Variants in TRIM24 observed in about 807,000 individuals in gnomAD.
TRIM24 encodes the protein transcription intermediary factor 1-alpha.
Under a neutral mutation model 123.9 loss-of-function variants are expected in TRIM24, and 29 were observed. The ratio of observed to expected loss-of-function variants is 0.23; its 90% CI spans 0.17 to 0.32. The LOEUF (loss-of-function observed/expected upper bound fraction) is 0.32, where lower values mean the gene tolerates loss of function less well. TRIM24 is among the 10% of genes least tolerant of loss of function. The pLI, the probability that TRIM24 is intolerant of heterozygous loss-of-function variation, is 1.00. For synonymous variants in TRIM24, 456 were observed against 461.1 expected (o/e 0.99, Z 0.14); for missense variants, 932 against 1,295.3 (o/e 0.72, Z 4.31).
intron 1 of TRIM24, among the ~76,000 whole-genome samples, chr7:138,476,197 T>C (rs886134515): frequency 1.3e-5 from 2 of 152,186 alleles, no homozygotes; most frequent in Non-Finnish European, 2.9e-5. Context: ...AACTGAAAGG[T>C]AGATCTTAGG....
At chr7:138,575,226 G>A (rs924970044) in intron 12 of TRIM24, among the ~76,000 whole-genome samples, 1 of 152,144 alleles carries the variant, frequency 6.6e-6, no homozygotes, top group Non-Finnish European at 1.5e-5. Context: ...CTACTTAAAT[G>A]TTATATATTT....
chr7:138,580,065 T>C (rs1269797380), intron 15 of TRIM24, among the ~76,000 whole-genome samples: 1 of 152,222 alleles, frequency 6.6e-6, no homozygotes, highest in Non-Finnish European at 1.5e-5. Context: ...CTTTTACAAG[T>C]ATTTCAAGTA....
rs1797960593 is a variant in TRIM24 at position 138,583,996 on chromosome 7, T to C, written c.2940T>C (p.Asn980=). Residue 980 remains asparagine, a synonymous_variant, in exon 18 of 19, where the codon AAT becomes AAC. Coordinates refer to ENST00000343526, the MANE Select transcript of TRIM24 (RefSeq NM_015905.3). ...RLIFQNCAEF[N]EPDSEVANAG... ...TCTTTCAAAACTGTGCTGAATTCAA[T>C]GAGGTGAGGCTAGGGGAGGGAAGGG... The C allele has an allele frequency of 3.7e-6, 6 of 1,606,772 alleles. No homozygotes were observed. Among genetic ancestry groups the C allele is most frequent in the Non-Finnish European group, 5.1e-6 (6 of 1,177,892 alleles).
chr7:138,532,484 AT>A (rs1796769142), intron 6 of TRIM24, among the ~76,000 whole-genome samples: 1 of 152,130 alleles, frequency 6.6e-6, no homozygotes, highest in Non-Finnish European at 1.5e-5. Flanking sequence ...TCCTTTCCCC[AT>A]TGCTTGTTTT....
intron 1 of TRIM24, among the ~76,000 whole-genome samples, chr7:138,491,562 CATTTT>C (rs66491878): frequency 0.097 from 14,767 of 152,188 alleles, 801 homozygotes; most frequent in South Asian, 0.15. Context: ...GGGTATAGCA[CATTTT>C]ATTTACACAT....
chr7:138,502,993 A>T (rs1364308256), intron 1 of TRIM24, among the ~76,000 whole-genome samples: 1 of 151,914 alleles, frequency 6.6e-6, no homozygotes, highest in Non-Finnish European at 1.5e-5. Context: ...TATAGTTGTT[A>T]ATCTACTTAA....
At chr7:138,536,815 G>A (rs1372072122) in intron 6 of TRIM24, among the ~76,000 whole-genome samples, 1 of 152,246 alleles carries the variant, frequency 6.6e-6, no homozygotes. Context: ...CCCCAGAGGT[G>A]GCGTCTGCAG....
intron 10 of TRIM24, among the ~76,000 whole-genome samples, chr7:138,568,943 G>A (rs182314519): frequency 3.8e-4 from 58 of 151,878 alleles, no homozygotes; most frequent in African/African-American, 1.2e-3. Context: ...ACATATCTTC[G>A]TATAATCAAT....
intron 9 of TRIM24, among the ~76,000 whole-genome samples, chr7:138,558,957 A>G (rs1584738283): frequency 6.6e-6 from 1 of 152,326 alleles, no homozygotes; most frequent in African/African-American, 2.4e-5. Context: ...AACAAGTACC[A>G]TAGTGCCCTG....
At chr7:138,481,428 C>T (rs1378692420) in intron 1 of TRIM24, among the ~76,000 whole-genome samples, 2 of 151,968 alleles carry the variant, frequency 1.3e-5, no homozygotes, top group East Asian at 3.9e-4. Context: ...TCGCTATCTT[C>T]TTCCATTCTG....
At chr7:138,545,744 A>T (rs1584731616) in intron 7 of TRIM24, among the ~76,000 whole-genome samples, 2 of 152,210 alleles carry the variant, frequency 1.3e-5, no homozygotes, top group Non-Finnish European at 2.9e-5. Flanking sequence ...ACATGTTGTT[A>T]TACCAGAAAA....
intron 1 of TRIM24, among the ~76,000 whole-genome samples, chr7:138,477,146 G>A (rs1185299568): frequency 6.6e-6 from 1 of 152,048 alleles, no homozygotes; most frequent in African/African-American, 2.4e-5. Flanking sequence ...GAGAAAATAT[G>A]TGCTTATATT....
intron 1 of TRIM24, among the ~76,000 whole-genome samples, chr7:138,464,329 C>T (rs1795085226): frequency 2.0e-5 from 3 of 151,826 alleles, no homozygotes; most frequent in South Asian, 4.1e-4. Flanking sequence ...ATAACGGGTT[C>T]ATTTGATCAA....
At chr7:138,518,705 A>C (rs1305432246) in intron 3 of TRIM24, among the ~76,000 whole-genome samples, 1 of 151,858 alleles carries the variant, frequency 6.6e-6, no homozygotes, top group Non-Finnish European at 1.5e-5. Context: ...CAGTGTTCCC[A>C]GGCTGGACTC....
rs1362075729 is a variant in TRIM24 at position 138,567,659 on chromosome 7, A to C, written c.1704+5A>C. The C allele has an allele frequency of 1.3e-6, 2 of 1,585,000 alleles. No individual in the cohort carries two copies. Among genetic ancestry groups the C allele is most frequent in the South Asian group, 2.3e-5 (2 of 85,362 alleles). On this transcript the variant is annotated splice_donor_5th_base_variant and intron_variant, in intron 10 of 18. Transcript: ENST00000343526. Reference sequence around the variant, plus strand: ...GCTCAACAAGCCATAAAACAGGTATATATCTACCTTCTTTTCTCAATTGCT... The same window carrying C: ...GCTCAACAAGCCATAAAACAGGTATCTATCTACCTTCTTTTCTCAATTGCT...
intron 7 of TRIM24, chr7:138,545,405 A>G (rs1194912669): frequency 4.4e-6 from 2 of 456,614 alleles, no homozygotes; most frequent in Non-Finnish European, 8.8e-6. Context: ...GGTTACATTG[A>G]GTAAATAAGT....
At chr7:138,575,664 T>A (rs895099944) in intron 12 of TRIM24, among the ~76,000 whole-genome samples, 3 of 152,152 alleles carry the variant, frequency 2.0e-5, no homozygotes, top group Admixed American at 6.5e-5. Context: ...TCCTACTTGT[T>A]ACTGTTTAGT....
intron 1 of TRIM24, among the ~76,000 whole-genome samples, chr7:138,469,902 G>A (rs1056865021): frequency 6.6e-6 from 1 of 152,160 alleles, no homozygotes; most frequent in Admixed American, 6.5e-5. Flanking sequence ...TGGTATTTGT[G>A]TGAGTTAGAA....
chr7:138,474,925 T>G (rs980493993), intron 1 of TRIM24, among the ~76,000 whole-genome samples: 1 of 152,188 alleles, frequency 6.6e-6, no homozygotes, highest in Non-Finnish European at 1.5e-5. Flanking sequence ...GAACTAAATT[T>G]AGTGACAGAG....
Sources: allele counts gnomAD v4.1 joint callset (sites outside exome capture counted in the v4.1 genomes callset), GRCh38; gene constraint gnomAD v4.1.1; transcripts MANE v1.5; gene names NCBI Gene and HGNC (gene_info 2026-07-23, HGNC 2026-07-21).